The following HMGA2 variants were observed in gnomAD, a reference collection of about 807,000 sequenced individuals.
HMGA2 encodes the protein high mobility group AT-hook 2.
In HMGA2, 8 loss-of-function variants were observed where a neutral mutation model predicts 19.1. That is an observed-to-expected ratio of 0.42 (90% CI 0.25 to 0.76). The LOEUF (loss-of-function observed/expected upper bound fraction) is 0.76. Among genes scored for constraint, HMGA2 ranks in the 30% least tolerant of loss-of-function variants. HMGA2 has a pLI of 0.28. For synonymous variants in HMGA2, 60 were observed against 48.8 expected, an observed-to-expected ratio of 1.23 and a Z score of -0.96; for missense variants, 109 against 136.3, an observed-to-expected ratio of 0.80 and a Z score of 1.00.
rs926672676 is a variant in HMGA2 at position 65,855,462 on chromosome 12, A to T, written c.249+16893A>T. ...CTTTCTCTCTCTCTCTCTCTCTCACACACACACACACACACACACACACAC... is the reference window on the plus strand; with the variant it reads ...CTTTCTCTCTCTCTCTCTCTCTCACTCACACACACACACACACACACACAC... On this transcript the variant is annotated intron_variant, in intron 3 of 4. Transcript: ENST00000403681. Among the ~76,000 whole-genome samples the T allele has an allele frequency of 2.2e-3, 330 of 148,904 alleles. 2 individuals carry two copies. Among genetic ancestry groups the T allele is most frequent in the African/African-American group, 7.6e-3 (301 of 39,800 alleles).
At position 65,852,713 on chromosome 12, in the gene HMGA2, C is replaced by G. The variant is rs140078905; in HGVS notation, c.249+14144C>G. Among the ~76,000 whole-genome samples the G allele has an allele frequency of 3.2e-4, 49 of 152,194 alleles. 1 individual carries two copies. The highest frequency in any genetic ancestry group is 1.6e-3 in the Admixed American group (25 of 15,276). ...AAACTGACAACTTTCAGATGTATCACAGAGACATATCAAAAGAATTCCAAC... is the reference window on the plus strand; with the variant it reads ...AAACTGACAACTTTCAGATGTATCAGAGAGACATATCAAAAGAATTCCAAC... On this transcript the variant is annotated intron_variant, in intron 3 of 4. Coordinates refer to ENST00000403681, the MANE Select transcript of HMGA2 (RefSeq NM_003483.6).
At chr12:65,921,252 A>C (rs1448294373) in intron 3 of HMGA2, among the ~76,000 whole-genome samples, 1 of 152,024 alleles carries the variant, frequency 6.6e-6, no homozygotes, top group African/African-American at 2.4e-5. Flanking sequence ...AAAGGCATTC[A>C]GTTTTTGTTT....
chr12:65,855,562 C>T (rs1302265416), intron 3 of HMGA2, among the ~76,000 whole-genome samples: 1 of 151,990 alleles, frequency 6.6e-6, no homozygotes, highest in African/African-American at 2.4e-5. Context: ...ATGTCTCAGG[C>T]CTGCACTCTA....
chr12:65,874,452 C>G (rs1056431736), intron 3 of HMGA2, among the ~76,000 whole-genome samples: 4 of 152,078 alleles, frequency 2.6e-5, no homozygotes, highest in Non-Finnish European at 4.4e-5. Flanking sequence ...ACGAATTACG[C>G]TCATACAACA....
chr12:65,870,032 T>C (rs1388747502), intron 3 of HMGA2, among the ~76,000 whole-genome samples: 1 of 151,010 alleles, frequency 6.6e-6, no homozygotes, highest in Non-Finnish European at 1.5e-5. Flanking sequence ...AAAAAAAAAG[T>C]AGTGCACAAT....
intron 3 of HMGA2, chr12:65,882,162 G>A (rs1426212992): frequency 3.6e-5 from 14 of 393,766 alleles, no homozygotes; most frequent in Non-Finnish European, 5.3e-5. Flanking sequence ...GAGGTCTTGC[G>A]GGCTGGCCTT....
chr12:65,958,560 T>G (rs1466771954), intron 4 of HMGA2: 1 of 152,186 alleles, frequency 6.6e-6, no homozygotes, highest in Non-Finnish European at 1.5e-5. Flanking sequence ...TAGCTACAGA[T>G]GGAACTTGAA....
chr12:65,878,464 A>G (rs907109472), intron 3 of HMGA2, among the ~76,000 whole-genome samples: 3 of 152,234 alleles, frequency 2.0e-5, no homozygotes, highest in African/African-American at 7.2e-5. Flanking sequence ...TGGAAAGCGC[A>G]CACTTTTTCT....
chr12:65,951,528 T>A (rs1876460648), intron 4 of HMGA2, 113 bp downstream of exon 4: 1 of 721,996 alleles, frequency 1.4e-6, no homozygotes, highest in Non-Finnish European at 2.4e-6. Flanking sequence ...TTGGTTATCG[T>A]CCTGCAGTAT....
chr12:65,936,110 A>G (rs1875884114), intron 3 of HMGA2, among the ~76,000 whole-genome samples: 1 of 152,092 alleles, frequency 6.6e-6, no homozygotes, highest in East Asian at 1.9e-4. Flanking sequence ...GCAAGCCACT[A>G]TTATTAAGCT....
In HMGA2 at chr12:65,900,096, T is replaced by A. The variant is rs151212788; in HGVS notation, c.250-51287T>A. Reference sequence around the variant, plus strand: ...TTTAGATTATCTTGTATATGTAATTTACATTACTCTTCTAACTGCTGTAAG... The same window carrying A: ...TTTAGATTATCTTGTATATGTAATTAACATTACTCTTCTAACTGCTGTAAG... On this transcript the variant is annotated intron_variant, in intron 3 of 4. Coordinates refer to ENST00000403681, the MANE Select transcript of HMGA2 (RefSeq NM_003483.6). Among the ~76,000 whole-genome samples the A allele has an allele frequency of 2.1e-3, 319 of 152,372 alleles. 1 individual carries two copies. Among genetic ancestry groups the A allele is most frequent in the Middle Eastern group, 0.017 (5 of 294 alleles).
chr12:65,955,103 C>T (rs1364575570), intron 4 of HMGA2: 1 of 152,174 alleles, frequency 6.6e-6, no homozygotes, highest in Non-Finnish European at 1.5e-5. Context: ...ATCACTTGAA[C>T]CTGGTTGGCG....
intron 3 of HMGA2, among the ~76,000 whole-genome samples, chr12:65,912,992 T>A (rs905019137): frequency 2.6e-5 from 4 of 152,318 alleles, no homozygotes; most frequent in Non-Finnish European, 5.9e-5. Context: ...CACTCTTAAA[T>A]TCTTCCATTC....
At chr12:65,953,284 C>T (rs1592466254) in intron 4 of HMGA2, 1 of 152,174 alleles carries the variant, frequency 6.6e-6, no homozygotes, top group East Asian at 1.9e-4. Flanking sequence ...AGCAAATGAC[C>T]ACAGAATGTC....
At chr12:65,888,864 C>T (rs79364830) in intron 3 of HMGA2, among the ~76,000 whole-genome samples, 5,994 of 151,822 alleles carry the variant, frequency 0.039, 354 homozygotes, top group South Asian at 0.25. Context: ...CGCCCGGCCC[C>T]GTGGTGTGCT....
At position 65,824,714 on chromosome 12, in the gene HMGA2, TC is replaced by T. The variant is rs1411974889; in HGVS notation, c.-556del. 3 of 12,832 alleles carry T rather than the reference TC, an allele frequency of 2.3e-4. No individual in the cohort carries two copies. The highest frequency in any genetic ancestry group is 5.9e-4 in the Non-Finnish European group (3 of 5,054). 0.8% of individuals were successfully genotyped at this position (12,832 alleles called of 1,614,324 possible). On this transcript the variant is annotated 5_prime_UTR_variant, in exon 1 of 5. Coordinates refer to ENST00000403681, the MANE Select transcript of HMGA2 (RefSeq NM_003483.6). ...CAAGGCACTTTCAATCTCAATCTCTTCTCTCTCTCTCTCTCTCTCTCTCTCT... is the reference window on the plus strand; with the variant it reads ...CAAGGCACTTTCAATCTCAATCTCTTTCTCTCTCTCTCTCTCTCTCTCTCT...
intron 3 of HMGA2, among the ~76,000 whole-genome samples, chr12:65,920,871 T>C (rs1875282781): frequency 6.6e-6 from 1 of 152,256 alleles, no homozygotes; most frequent in Middle Eastern, 3.4e-3. Context: ...AAAAGCTACC[T>C]GAAAATGTGG....
intron 4 of HMGA2, chr12:65,952,313 C>A (rs1021448513): frequency 4.3e-5 from 62 of 1,439,580 alleles, no homozygotes; most frequent in Non-Finnish European, 5.6e-5. Flanking sequence ...AATTTTTTTC[C>A]CTAGAAGTCT....
intron 3 of HMGA2, among the ~76,000 whole-genome samples, chr12:65,901,360 CCTTTGA>C (rs1874364754): frequency 6.6e-6 from 1 of 152,152 alleles, no homozygotes; most frequent in South Asian, 2.1e-4. Flanking sequence ...AATGAGTAAA[CCTTTGA>C]CTTCACTGTT....
Sources: gnomAD v4.1 joint callset for allele counts (sites outside exome capture counted in the v4.1 genomes callset) on GRCh38, gnomAD v4.1.1 for gene constraint, MANE v1.5 for transcripts, NCBI Gene and HGNC (gene_info 2026-07-23, HGNC 2026-07-21) for gene names.